Variants in SZRD1 observed in about 807,000 individuals in gnomAD.
The protein encoded by SZRD1 is SUZ RNA-binding domain-containing.
A neutral mutation model predicts 17.6 loss-of-function variants in SZRD1; 7 were observed. The observed-to-expected ratio is 0.40, with a 90% CI of 0.23 to 0.75. SZRD1 has a LOEUF of 0.75. Ranked by LOEUF, SZRD1 falls within the 30% of genes least tolerant of loss-of-function variation. The pLI is 0.38. For missense variants in SZRD1, 178 were observed against 201.8 expected (o/e 0.88, Z 0.71); for synonymous variants, 77 against 77.9 (o/e 0.99, Z 0.06).
rs573976466 is a variant in SZRD1, at chr1:16,380,913, C to CT, written c.52-10448dup. Among the ~76,000 whole-genome samples the CT allele has an allele frequency of 6.4e-3, 924 of 143,318 alleles. 3 individuals carry two copies. Among genetic ancestry groups the CT allele is most frequent in the Non-Finnish European group, 8.9e-3 (584 of 65,432 alleles). The allele number at this position is 143,318 out of a possible 152,430, so 94.0% of individuals were successfully genotyped here. A position where few individuals can be genotyped will look rare whatever the true frequency, so the allele number is the denominator to read the frequency against. On this transcript the variant is annotated intron_variant, in intron 1 of 3. Coordinates refer to ENST00000401088, the MANE Select transcript of SZRD1 (RefSeq NM_001114600.3). Reference sequence around the variant, plus strand: ...TGAGCCACTGCACCCAGCCCCTCATCTTTTTTTTTTTTTTAAAGAAAAAAA... The same window carrying CT: ...TGAGCCACTGCACCCAGCCCCTCATCTTTTTTTTTTTTTTTAAAGAAAAAAA...
At chr1:16,380,407 ATCC>A (rs1159298191) in intron 1 of SZRD1, among the ~76,000 whole-genome samples, 1 of 151,664 alleles carries the variant, frequency 6.6e-6, no homozygotes, top group Non-Finnish European at 1.5e-5. Context: ...GGTTCAAGCA[ATCC>A]TCCTGCCTCA....
rs193177328 is a variant in SZRD1 at position 16,373,872 on chromosome 1, G to A, written c.51+6564G>A. Among the ~76,000 whole-genome samples the A allele has an allele frequency of 1.3e-4, 20 of 152,274 alleles. No homozygotes were observed. In the South Asian group the frequency reaches 3.7e-3, roughly 28 times the overall value. On this transcript the variant is annotated intron_variant, in intron 1 of 3. Transcript: ENST00000401088. The stretch of plus-strand genomic sequence containing the variant: ...CCCGTTTCAGCCTCCCGGAGTGCTG[G>A]GATTGCAGGCGTGAGCCACCACACC...
chr1:16,391,269 T>C lies in SZRD1; in HGVS notation c.52-106T>C, dbSNP rs41307802. The C allele has an allele frequency of 2.1e-3, 1,750 of 820,374 alleles. 9 individuals carry two copies. The highest frequency in any genetic ancestry group is 1.8e-3 in the Non-Finnish European group (902 of 504,576). 50.8% of individuals were successfully genotyped at this position (820,374 alleles called of 1,614,324 possible). A position where few individuals can be genotyped will look rare whatever the true frequency, so the allele number is the denominator to read the frequency against. ...TTTGTTATGTTGAAGGACACAGTCA[T>C]GTCCCTGGCTAGAGAAAGGACACTG... is the stretch of plus-strand genomic sequence containing the variant. On this transcript the variant is annotated intron_variant, in intron 1 of 3. Coordinates refer to ENST00000401088, the MANE Select transcript of SZRD1 (RefSeq NM_001114600.3). This position sits in a 1 kb window ranked among gnomAD's most constrained non-coding sequence, Gnocchi z 4.3.
At position 16,391,717 on chromosome 1, in the gene SZRD1, C is replaced by G. The variant is rs1260156405; in HGVS notation, c.101+293C>G. 6.6e-6 allele frequency among the ~76,000 whole-genome samples: 1 copy of G among 151,866 alleles called. No individual in the cohort carries two copies. The highest frequency in any genetic ancestry group is 2.4e-5 in the African/African-American group (1 of 41,314). ...CTTGAGTTTTAGGCCTGGCAGTGCC[C>G]CAGTTGCTCTGAGGTCTGGGGCAAG... On this transcript the variant is annotated intron_variant, in intron 2 of 3. Transcript: ENST00000401088. The surrounding 1 kb of genome is among the most constrained non-coding windows in gnomAD (Gnocchi z 4.3).
At chr1:16,381,844 G>A (rs2083110632) in intron 1 of SZRD1, among the ~76,000 whole-genome samples, 1 of 151,402 alleles carries the variant, frequency 6.6e-6, no homozygotes, top group South Asian at 2.1e-4. Flanking sequence ...AGGCAGGTTT[G>A]AACCCAGGAG....
At chr1:16,372,144 A>G (rs930470941) in intron 1 of SZRD1, among the ~76,000 whole-genome samples, 17 of 151,408 alleles carry the variant, frequency 1.1e-4, no homozygotes, top group African/African-American at 4.1e-4. Context: ...TTTTTGAGAC[A>G]GGGTTTCGTC....
chr1:16,378,786 G>A (rs1255406681), intron 1 of SZRD1, among the ~76,000 whole-genome samples: 7 of 151,958 alleles, frequency 4.6e-5, no homozygotes, highest in African/African-American at 1.7e-4. Flanking sequence ...GAGTGCAGTG[G>A]TGCAGTCTCG....
rs530965102 is a variant in SZRD1, at chr1:16,380,446, G to A, written c.52-10929G>A. ...GCCTCCCAAGCAGCTGGAATTACAA[G>A]CATGTGCCACCATGCCTGGCTTTTA... On this transcript the variant is annotated intron_variant, in intron 1 of 3. Transcript: ENST00000401088. Among the ~76,000 whole-genome samples the A allele has an allele frequency of 7.2e-5, 11 of 152,124 alleles. 1 individual carries two copies. The South Asian group carries it at 2.3e-3, about 32-fold the overall frequency.
chr1:16,380,572 G>C (rs187120759), intron 1 of SZRD1, among the ~76,000 whole-genome samples: 1 of 152,024 alleles, frequency 6.6e-6, no homozygotes, highest in Non-Finnish European at 1.5e-5. Flanking sequence ...GGGTTCAAGC[G>C]ATTCTCCCAC....
chr1:16,393,555 G>A lies in SZRD1; in HGVS notation c.356+73G>A. 1 of 1,482,674 alleles carries A rather than the reference G, an allele frequency of 6.7e-7. No homozygotes were observed. Among genetic ancestry groups the A allele is most frequent in the Admixed American group, 2.0e-5 (1 of 50,230 alleles). 91.8% of individuals were successfully genotyped at this position (1,482,674 alleles called of 1,614,324 possible). On this transcript the variant is annotated intron_variant, in intron 3 of 3. Transcript: ENST00000401088. The surrounding 1 kb of genome is among the most constrained non-coding windows in gnomAD (Gnocchi z 5.6). ...CCGGGAAGAGGAGAGCATCCTGGCT[G>A]CGTGTAGAGTAGTGAGAAGCAAGCA... is the stretch of plus-strand genomic sequence containing the variant.
At chr1:16,373,012 T>G (rs967760305) in intron 1 of SZRD1, among the ~76,000 whole-genome samples, 1 of 151,300 alleles carries the variant, frequency 6.6e-6, no homozygotes. Flanking sequence ...GCAGGTAGAG[T>G]GTAGGGCCAA....
At chr1:16,367,407 G>T in intron 1 of SZRD1, 99 bp downstream of exon 1, 1 of 1,190,476 alleles carries the variant, frequency 8.4e-7, no homozygotes, top group Non-Finnish European at 1.2e-6. Context: ...CCAAGGAAGG[G>T]CCCCATACGC....
Position 16,395,979 on chromosome 1 carries a change from G to A in SZRD1, c.*839G>A, listed in dbSNP as rs1324020878. 1 of 152,636 alleles carries A rather than the reference G, an allele frequency of 6.6e-6. No individual in the cohort carries two copies. Among genetic ancestry groups the A allele is most frequent in the Admixed American group, 6.5e-5 (1 of 15,272 alleles). 9.5% of individuals were successfully genotyped at this position (152,636 alleles called of 1,614,324 possible). A position where few individuals can be genotyped will look rare whatever the true frequency, so the allele number is the denominator to read the frequency against. Reference sequence around the variant, plus strand: ...TGCCAACCCCACCTCTAGTATTTTGGGAGATAGGGAAAGTGAACCGACTTC... The same window carrying A: ...TGCCAACCCCACCTCTAGTATTTTGAGAGATAGGGAAAGTGAACCGACTTC... On this transcript the variant is annotated 3_prime_UTR_variant, in exon 4 of 4. Coordinates refer to ENST00000401088, the MANE Select transcript of SZRD1 (RefSeq NM_001114600.3).
At chr1:16,392,360 G>A (rs746175366) in intron 2 of SZRD1, among the ~76,000 whole-genome samples, 3 of 152,106 alleles carry the variant, frequency 2.0e-5, no homozygotes, top group East Asian at 1.9e-4. Flanking sequence ...GGCTGTTGTC[G>A]GGTGGTCATT....
intron 1 of SZRD1, among the ~76,000 whole-genome samples, chr1:16,389,369 A>C (rs1419654137): frequency 1.3e-5 from 2 of 151,018 alleles, no homozygotes; most frequent in Admixed American, 1.3e-4. Flanking sequence ...GGTTCACGCC[A>C]TTCTCCTGCC....
chr1:16,389,866 C>T (rs997160237), intron 1 of SZRD1, among the ~76,000 whole-genome samples: 11 of 152,342 alleles, frequency 7.2e-5, no homozygotes, highest in Admixed American at 5.2e-4. Context: ...TCACATTTTG[C>T]AAGTGATGGA....
At chr1:16,379,765 T>G (rs910485075) in intron 1 of SZRD1, among the ~76,000 whole-genome samples, 7 of 151,030 alleles carry the variant, frequency 4.6e-5, no homozygotes, top group Admixed American at 3.3e-4. Context: ...TTGGGGTTTT[T>G]TTTTTTTTTT....
chr1:16,380,599 G>A (rs2083084429), intron 1 of SZRD1, among the ~76,000 whole-genome samples: 1 of 152,162 alleles, frequency 6.6e-6, no homozygotes. Context: ...CTCCCGAGTA[G>A]CTGGAATTAC....
chr1:16,367,424 G>A, intron 1 of SZRD1, 116 bp downstream of exon 1: 3 of 1,022,556 alleles, frequency 2.9e-6, no homozygotes, highest in Non-Finnish European at 4.2e-6. Flanking sequence ...ACGCCGGGCT[G>A]GGGGTGGTGG....
Sources: gnomAD v4.1 joint callset for allele counts (sites outside exome capture counted in the v4.1 genomes callset) on GRCh38, gnomAD v4.1.1 for gene constraint, Gnocchi (gnomAD v3.1) non-coding constraint, MANE v1.5 for transcripts, NCBI Gene and HGNC (gene_info 2026-07-23, HGNC 2026-07-21) for gene names.